LRRC4C: variants seen among roughly 807,000 people sequenced by gnomAD.
The protein encoded by LRRC4C is leucine rich repeat containing 4C.
Under a neutral mutation model 33.6 loss-of-function variants are expected in LRRC4C, and 5 were observed. The ratio of observed to expected loss-of-function variants is 0.15; its 90% confidence interval spans 0.08 to 0.31. The LOEUF (loss-of-function observed/expected upper bound fraction) is 0.31. Among genes scored for constraint, LRRC4C ranks in the 10% least tolerant of loss-of-function variants. The probability of loss-of-function intolerance (pLI) is 1.00; values close to 1 mark genes in which losing one functional copy is unlikely to be tolerated. For missense variants in LRRC4C, 560 were observed against 796.7 expected, an observed-to-expected ratio of 0.70 and a Z score of 3.58; for synonymous variants, 329 against 302.0, an observed-to-expected ratio of 1.09 and a Z score of -0.93.
chr11:40,591,558 T>C (rs1214810680), intron 3 of LRRC4C, among the ~76,000 whole-genome samples: 1 of 152,222 alleles, frequency 6.6e-6, no homozygotes, highest in African/African-American at 2.4e-5. Context: ...TGTTTTATTG[T>C]GTCCACTTTA....
At chr11:40,341,155 G>A (rs1946846973) in intron 3 of LRRC4C, among the ~76,000 whole-genome samples, 1 of 152,182 alleles carries the variant, frequency 6.6e-6, no homozygotes, top group Non-Finnish European at 1.5e-5. Flanking sequence ...CACTTAAAAT[G>A]TATGAACTAT....
At chr11:40,344,693 A>G (rs372884360) in intron 3 of LRRC4C, among the ~76,000 whole-genome samples, 4 of 151,968 alleles carry the variant, frequency 2.6e-5, no homozygotes, top group East Asian at 3.9e-4. Context: ...GCATTCAAGT[A>G]GGAAGAGAGA....
chr11:40,597,395 C>G (rs531577476), intron 3 of LRRC4C, among the ~76,000 whole-genome samples: 5 of 152,234 alleles, frequency 3.3e-5, no homozygotes, highest in African/African-American at 1.2e-4. Flanking sequence ...GCGTGCTACT[C>G]CAAAGTATTT....
intron 5 of LRRC4C, among the ~76,000 whole-genome samples, chr11:40,157,753 A>T (rs1858822980): frequency 6.6e-6 from 1 of 152,176 alleles, no homozygotes; most frequent in African/African-American, 2.4e-5. Context: ...AAAAGTCAAA[A>T]AACAGTAGAT....
intron 1 of LRRC4C, among the ~76,000 whole-genome samples, chr11:41,424,948 T>C (rs1240538856): frequency 6.6e-6 from 1 of 152,086 alleles, no homozygotes; most frequent in Admixed American, 6.6e-5. Flanking sequence ...TAGCCAAATA[T>C]AGTATTAAAC....
At chr11:41,210,057 C>T (rs1946759654) in intron 1 of LRRC4C, among the ~76,000 whole-genome samples, 1 of 152,142 alleles carries the variant, frequency 6.6e-6, no homozygotes, top group South Asian at 2.1e-4. Flanking sequence ...AGAGAGGCCT[C>T]ACTTGAAACC....
chr11:41,229,952 A>C lies in LRRC4C; in HGVS notation c.-496+229479T>G, dbSNP rs184880635. Reference sequence around the variant, plus strand: ...AATATTTCTTTCATAATTTAATTGAAGTAAATTTTTCTATATTGCCTTAAT... The same window carrying C: ...AATATTTCTTTCATAATTTAATTGACGTAAATTTTTCTATATTGCCTTAAT... On this transcript the variant is annotated intron_variant, in intron 1 of 6. Coordinates refer to ENST00000528697, the MANE Select transcript of LRRC4C (RefSeq NM_001258419.2). Among the ~76,000 whole-genome samples, 446 of 152,186 alleles carry C rather than the reference A, an allele frequency of 2.9e-3. 1 individual carries two copies. The highest frequency in any genetic ancestry group is 0.01 in the African/African-American group (416 of 41,534).
At chr11:41,275,502 T>C (rs1949455358) in intron 1 of LRRC4C, among the ~76,000 whole-genome samples, 2 of 152,190 alleles carry the variant, frequency 1.3e-5, no homozygotes, top group African/African-American at 2.4e-5. Flanking sequence ...CTTTTTGTTG[T>C]TGTTGTTTAA....
intron 4 of LRRC4C, among the ~76,000 whole-genome samples, chr11:40,270,966 G>C (rs926774857): frequency 2.0e-5 from 3 of 152,124 alleles, no homozygotes; most frequent in Non-Finnish European, 4.4e-5. Context: ...GGCTAGTGGG[G>C]AAAAGCTGAG....
At chr11:40,134,997 C>T (rs1856872982) in intron 6 of LRRC4C, among the ~76,000 whole-genome samples, 1 of 152,150 alleles carries the variant, frequency 6.6e-6, no homozygotes, top group Admixed American at 6.5e-5. Flanking sequence ...GGGGAGGAAA[C>T]AGAGTAGACT....
intron 1 of LRRC4C, among the ~76,000 whole-genome samples, chr11:41,121,487 C>T (rs567971416): frequency 2.8e-4 from 43 of 152,236 alleles, no homozygotes; most frequent in Admixed American, 7.2e-4. Flanking sequence ...TTATTTCCAA[C>T]GCCTTCCCCT....
At chr11:41,059,526 T>C (rs529786100) in intron 1 of LRRC4C, among the ~76,000 whole-genome samples, 1 of 152,274 alleles carries the variant, frequency 6.6e-6, no homozygotes, top group African/African-American at 2.4e-5. Context: ...CATGACATTT[T>C]GTGTCTTTTT....
At chr11:41,305,265 C>G (rs570170592) in intron 1 of LRRC4C, among the ~76,000 whole-genome samples, 131 of 49,362 alleles carry the variant, frequency 2.7e-3, no homozygotes, top group African/African-American at 6.3e-3. Flanking sequence ...CCGCCCTCTC[C>G]GGGAGGGAGG....
chr11:41,284,010 G>A (rs1949747312), intron 1 of LRRC4C, among the ~76,000 whole-genome samples: 2 of 152,154 alleles, frequency 1.3e-5, no homozygotes, highest in South Asian at 4.1e-4. Context: ...ATACGTATTT[G>A]ATTTGTACTG....
At chr11:40,721,167 A>C (rs759076120) in intron 2 of LRRC4C, among the ~76,000 whole-genome samples, 21 of 152,164 alleles carry the variant, frequency 1.4e-4, no homozygotes, top group Admixed American at 7.9e-4. Context: ...TTATCTATTA[A>C]AATCTAGATC....
At chr11:41,044,665 G>T (rs2138033580) in intron 1 of LRRC4C, among the ~76,000 whole-genome samples, 1 of 152,194 alleles carries the variant, frequency 6.6e-6, no homozygotes, top group Admixed American at 6.5e-5. Context: ...AGCTAACAGT[G>T]AAGACAATGT....
chr11:40,614,055 C>T (rs1335059885), intron 3 of LRRC4C, among the ~76,000 whole-genome samples: 1 of 151,854 alleles, frequency 6.6e-6, no homozygotes, highest in South Asian at 2.1e-4. Flanking sequence ...GGTAAATGAA[C>T]ATTGGCTTCA....
intron 3 of LRRC4C, among the ~76,000 whole-genome samples, chr11:40,429,321 G>A (rs575532506): frequency 1.3e-4 from 20 of 152,194 alleles, no homozygotes; most frequent in Middle Eastern, 3.4e-3. Flanking sequence ...TGATCCACGC[G>A]CCTCATACTC....
intron 2 of LRRC4C, among the ~76,000 whole-genome samples, chr11:40,697,539 T>C (rs78112014): frequency 0.046 from 7,024 of 152,222 alleles, 519 homozygotes; most frequent in African/African-American, 0.16. Context: ...CACTTTGAGA[T>C]GTCTGTTAAT....
Sources: gnomAD v4.1 joint callset for allele counts (sites outside exome capture counted in the v4.1 genomes callset) on GRCh38, gnomAD v4.1.1 for gene constraint, MANE v1.5 for transcripts, NCBI Gene and HGNC (gene_info 2026-07-23, HGNC 2026-07-21) for gene names.